ROBO2: variants seen among roughly 807,000 people sequenced by gnomAD.
ROBO2 encodes roundabout homolog 2.
ROBO2 carries 53 observed loss-of-function variants against 160.8 expected under a neutral mutation model. The ratio of observed to expected loss-of-function variants is 0.33; its 90% CI spans 0.26 to 0.41. ROBO2 has a LOEUF of 0.41. Ranked by LOEUF, ROBO2 falls within the 10% of genes least tolerant of loss-of-function variation. The probability of loss-of-function intolerance (pLI) is 1.00; values close to 1 mark genes in which losing one functional copy is unlikely to be tolerated. For synonymous variants in ROBO2, 664 were observed against 611.7 expected, an observed-to-expected ratio of 1.09 and a Z score of -1.26; for missense variants, 1,577 against 1,722.4, an observed-to-expected ratio of 0.92 and a Z score of 1.49.
At chr3:76,389,470 G>A (rs965178679) in intron 2 of ROBO2, among the ~76,000 whole-genome samples, 6 of 152,160 alleles carry the variant, frequency 3.9e-5, no homozygotes, top group African/African-American at 1.4e-4. Flanking sequence ...ATGAACAGGA[G>A]ATTTGAAAAC....
chr3:76,030,007 C>T (rs2066865997), intron 2 of ROBO2, among the ~76,000 whole-genome samples: 1 of 152,146 alleles, frequency 6.6e-6, no homozygotes, highest in African/African-American at 2.4e-5. Flanking sequence ...TCCTATTTCT[C>T]CACATCCTCT....
intron 2 of ROBO2, among the ~76,000 whole-genome samples, chr3:75,992,639 C>T (rs2065607300): frequency 1.3e-5 from 2 of 152,148 alleles, no homozygotes; most frequent in African/African-American, 4.8e-5. Context: ...CCTAGTGGAG[C>T]TGTGAGAAGA....
At chr3:76,377,279 G>A (rs1054885470) in intron 2 of ROBO2, among the ~76,000 whole-genome samples, 9 of 152,204 alleles carry the variant, frequency 5.9e-5, no homozygotes, top group East Asian at 1.9e-4. Context: ...CATAAAACAA[G>A]GTCCTATGCC....
At chr3:77,079,286 G>T (rs2068367908) in intron 1 of ROBO2, among the ~76,000 whole-genome samples, 1 of 152,150 alleles carries the variant, frequency 6.6e-6, no homozygotes, top group Non-Finnish European at 1.5e-5. Flanking sequence ...AATACTTTGT[G>T]TTATACTTTA....
intron 2 of ROBO2, among the ~76,000 whole-genome samples, chr3:77,184,312 A>G (rs1051215733): frequency 6.6e-6 from 1 of 152,100 alleles, no homozygotes; most frequent in East Asian, 1.9e-4. Flanking sequence ...TTACCAAAAA[A>G]TTTTGAAGCA....
chr3:76,118,759 G>A (rs1385366184), intron 2 of ROBO2, among the ~76,000 whole-genome samples: 1 of 152,002 alleles, frequency 6.6e-6, no homozygotes, highest in Non-Finnish European at 1.5e-5. Context: ...TCTAATCTTA[G>A]CAATTTATGA....
intron 2 of ROBO2, among the ~76,000 whole-genome samples, chr3:76,796,662 A>C (rs1305290718): frequency 6.6e-6 from 1 of 152,128 alleles, no homozygotes; most frequent in African/African-American, 2.4e-5. Context: ...ACAGTGTCTG[A>C]ATGGTTAAAA....
intron 2 of ROBO2, among the ~76,000 whole-genome samples, chr3:76,371,503 T>C (rs1370957813): frequency 1.3e-5 from 2 of 151,818 alleles, no homozygotes; most frequent in African/African-American, 4.8e-5. Context: ...CAATCTGTTA[T>C]ATACGTAATT....
chr3:76,864,545 T>G (rs1420808780), intron 2 of ROBO2, among the ~76,000 whole-genome samples: 1 of 152,066 alleles, frequency 6.6e-6, no homozygotes, highest in Non-Finnish European at 1.5e-5. Context: ...ATCATACCAT[T>G]TCTTACTCCC....
chr3:76,907,155 A>C (rs1405493001), intron 2 of ROBO2, among the ~76,000 whole-genome samples: 1 of 152,224 alleles, frequency 6.6e-6, no homozygotes, highest in Admixed American at 6.5e-5. Flanking sequence ...AAGTTAAGGC[A>C]GAGGGTGGTA....
At position 76,805,891 on chromosome 3, in the gene ROBO2, A is replaced by G. The variant is rs529997176; in HGVS notation, c.110-292123A>G. Among the ~76,000 whole-genome samples, 217 of 152,002 alleles carry G rather than the reference A, an allele frequency of 1.4e-3. 1 individual carries two copies. The highest frequency in any genetic ancestry group is 5.1e-3 in the African/African-American group (212 of 41,520). On this transcript the variant is annotated intron_variant, in intron 2 of 26. Coordinates refer to the ROBO2 transcript ENST00000487694. ...TTTAACAGACCAGAGAAAGAGCCCC[A>G]GTTGCTCTCTTGATGTGAAATCAAT...
upstream of ROBO2, chr3:77,039,753 G>A (rs2063886784): frequency 6.6e-6 from 1 of 152,106 alleles, no homozygotes; most frequent in Admixed American, 6.6e-5. Flanking sequence ...CCCCTCCCCG[G>A]GCCGACTCCA....
intron 2 of ROBO2, among the ~76,000 whole-genome samples, chr3:77,323,798 G>A (rs2065069177): frequency 6.6e-6 from 1 of 152,102 alleles, no homozygotes; most frequent in South Asian, 2.1e-4. Flanking sequence ...TCATGTGTAA[G>A]ACAAAGGGTA....
At chr3:76,979,332 C>T (rs2059973361) in intron 2 of ROBO2, among the ~76,000 whole-genome samples, 1 of 151,942 alleles carries the variant, frequency 6.6e-6, no homozygotes, top group South Asian at 2.1e-4. Context: ...GTTCACTGTA[C>T]CTGTTAAGTA....
chr3:76,601,223 C>A (rs2108945455), intron 2 of ROBO2, among the ~76,000 whole-genome samples: 1 of 152,292 alleles, frequency 6.6e-6, no homozygotes, highest in African/African-American at 2.4e-5. Flanking sequence ...GTGCCTGAAG[C>A]TTTTCCAGGT....
chr3:77,197,805 A>G (rs1374645413), intron 2 of ROBO2, among the ~76,000 whole-genome samples: 1 of 152,214 alleles, frequency 6.6e-6, no homozygotes, highest in Non-Finnish European at 1.5e-5. Context: ...ATCTCAGGTT[A>G]TCTGGGTGTG....
At chr3:77,215,067 C>T (rs1013987581) in intron 2 of ROBO2, among the ~76,000 whole-genome samples, 1 of 152,092 alleles carries the variant, frequency 6.6e-6, no homozygotes, top group Admixed American at 6.5e-5. Context: ...CTTGGAGTTG[C>T]TCTTCTCAAG....
At chr3:77,550,481 T>G (rs2092877807) in intron 7 of ROBO2, among the ~76,000 whole-genome samples, 1 of 152,038 alleles carries the variant, frequency 6.6e-6, no homozygotes, top group Admixed American at 6.6e-5. Context: ...AGATAAGAAT[T>G]GTTTTGCCCA....
intron 2 of ROBO2, among the ~76,000 whole-genome samples, chr3:76,454,292 A>C (rs1353698294): frequency 1.3e-5 from 2 of 152,210 alleles, no homozygotes; most frequent in African/African-American, 4.8e-5. Context: ...GTTTTGCAAA[A>C]GTTATTGGGT....
Sources: allele counts gnomAD v4.1 joint callset (sites outside exome capture counted in the v4.1 genomes callset), GRCh38; gene constraint gnomAD v4.1.1; transcripts MANE v1.5; gene names NCBI Gene and HGNC (gene_info 2026-07-23, HGNC 2026-07-21).